Variants in ANKRD44 observed in about 807,000 individuals in gnomAD.
The protein encoded by ANKRD44 is ankyrin repeat domain 44.
ANKRD44 carries 35 observed loss-of-function variants against 116.0 expected under a neutral mutation model. That is an observed-to-expected ratio of 0.30 (90% CI 0.23 to 0.40). The LOEUF (loss-of-function observed/expected upper bound fraction) is 0.40. Among genes scored for constraint, ANKRD44 ranks in the 10% least tolerant of loss-of-function variants. ANKRD44 has a pLI of 1.00. For synonymous variants in ANKRD44, 435 were observed against 461.8 expected (o/e 0.94, Z 0.74); for missense variants, 1,014 against 1,242.6 (o/e 0.82, Z 2.77).
intron 3 of ANKRD44, among the ~76,000 whole-genome samples, chr2:197,146,759 T>C (rs893353190): frequency 3.3e-5 from 5 of 152,120 alleles, no homozygotes; most frequent in African/African-American, 1.2e-4. Context: ...TATATCCAAA[T>C]GTACTGAATT....
intron 21 of ANKRD44, among the ~76,000 whole-genome samples, chr2:196,978,895 GT>G (rs201679539): frequency 2.2e-5 from 3 of 138,758 alleles, no homozygotes; most frequent in African/African-American, 5.5e-5. Flanking sequence ...ATCCGATATT[GT>G]TTTAAAAAAA....
intron 21 of ANKRD44, among the ~76,000 whole-genome samples, chr2:196,973,933 A>C (rs1428317004): frequency 1.3e-5 from 2 of 152,160 alleles, no homozygotes; most frequent in African/African-American, 4.8e-5. Context: ...GCCCTTTCTT[A>C]AGTTGACATT....
intron 7 of ANKRD44, 82 bp downstream of exon 7, chr2:197,122,568 A>C: frequency 6.7e-7 from 1 of 1,503,292 alleles, no homozygotes; most frequent in Non-Finnish European, 8.9e-7. Flanking sequence ...CTTGAATTAA[A>C]GTGCAAACAG....
intron 17 of ANKRD44, among the ~76,000 whole-genome samples, chr2:197,018,108 C>A (rs866611214): frequency 3.3e-5 from 5 of 152,336 alleles, no homozygotes; most frequent in African/African-American, 1.2e-4. Flanking sequence ...CATCACCAAC[C>A]TGTTTTGCCA....
intron 20 of ANKRD44, among the ~76,000 whole-genome samples, chr2:197,006,887 T>C (rs1272480716): frequency 6.6e-6 from 1 of 152,170 alleles, no homozygotes; most frequent in African/African-American, 2.4e-5. Flanking sequence ...GGAGGATCAC[T>C]TGAGCCCAGC....
At position 197,146,980 on chromosome 2, in the gene ANKRD44, T is replaced by C. The variant is rs185552758; in HGVS notation, c.190+47A>G. 4.2e-5 allele frequency: 66 copies of C among 1,564,124 alleles called. 1 individual carries two copies. The East Asian group carries it at 6.1e-4, about 15-fold the overall frequency. On this transcript the variant is annotated intron_variant, in intron 3 of 27. Transcript: ENST00000282272. ...AGTAGTCAATCTAGTAAATTGGTTATTTAAATTTTTATTTGCAATTGACTT... is the reference window on the plus strand; with the variant it reads ...AGTAGTCAATCTAGTAAATTGGTTACTTAAATTTTTATTTGCAATTGACTT...
intron 3 of ANKRD44, among the ~76,000 whole-genome samples, chr2:197,143,543 T>A (rs1283944432): frequency 6.6e-6 from 1 of 152,110 alleles, no homozygotes; most frequent in Admixed American, 6.5e-5. Flanking sequence ...TCATTTTTTA[T>A]GGCTGCATAG....
At chr2:197,063,611 A>C (rs979741472) in intron 16 of ANKRD44, among the ~76,000 whole-genome samples, 19 of 152,202 alleles carry the variant, frequency 1.2e-4, no homozygotes, top group Non-Finnish European at 2.2e-4. Context: ...TCTTTAAATG[A>C]CCTGATGGAG....
At chr2:197,232,904 T>A (rs2081898716) in intron 1 of ANKRD44, among the ~76,000 whole-genome samples, 1 of 152,230 alleles carries the variant, frequency 6.6e-6, no homozygotes, top group Admixed American at 6.5e-5. Context: ...CAACCTCATA[T>A]TTGTAAAATA....
At chr2:197,131,074 G>A (rs2079083508) in intron 4 of ANKRD44, among the ~76,000 whole-genome samples, 1 of 152,158 alleles carries the variant, frequency 6.6e-6, no homozygotes, top group East Asian at 1.9e-4. Flanking sequence ...CTAACTTTCT[G>A]AGATTACATT....
intron 8 of ANKRD44, among the ~76,000 whole-genome samples, chr2:197,117,607 T>G (rs1354702872): frequency 6.6e-6 from 1 of 152,062 alleles, no homozygotes; most frequent in African/African-American, 2.4e-5. Context: ...TGACCTCAGG[T>G]GATCCACCCA....
intron 1 of ANKRD44, among the ~76,000 whole-genome samples, chr2:197,302,865 G>C (rs1365591222): frequency 6.6e-6 from 1 of 152,178 alleles, no homozygotes; most frequent in Non-Finnish European, 1.5e-5. Context: ...ATGTTATTTG[G>C]GTTCAATAAA....
At chr2:197,238,868 C>A (rs1654472991) in intron 1 of ANKRD44, among the ~76,000 whole-genome samples, 1 of 152,116 alleles carries the variant, frequency 6.6e-6, no homozygotes, top group Non-Finnish European at 1.5e-5. Flanking sequence ...CCACGCCTGG[C>A]AAATTTTTGT....
Position 197,216,353 on chromosome 2 carries a change from C to T in ANKRD44, c.28-29247G>A, listed in dbSNP as rs1029925881. Among the ~76,000 whole-genome samples the T allele has an allele frequency of 5.9e-5, 9 of 152,286 alleles. No homozygotes were observed. In the East Asian group the frequency reaches 9.6e-4, roughly 16 times the overall value. On this transcript the variant is annotated intron_variant, in intron 1 of 27. Coordinates refer to ENST00000282272, the MANE Select transcript of ANKRD44 (RefSeq NM_001195144.2). ...ATAATTCATGCTATCCAGTAATCCA[C>T]AAATTTCTTTGGAGTTTCTTCTGTG... is the stretch of plus-strand genomic sequence containing the variant.
chr2:196,987,592 T>C lies in ANKRD44; in HGVS notation c.*1999A>G, dbSNP rs570267000. The C allele has an allele frequency of 1.0e-6, 1 of 985,400 alleles. No individual in the cohort carries two copies. Among genetic ancestry groups the C allele is most frequent in the Admixed American group, 6.1e-5 (1 of 16,282 alleles). 61.0% of individuals were successfully genotyped at this position (985,400 alleles called of 1,614,324 possible). A position where few individuals can be genotyped will look rare whatever the true frequency, so the allele number is the denominator to read the frequency against. On this transcript the variant is annotated 3_prime_UTR_variant, in exon 28 of 28. Transcript: ENST00000282272. ...AAATGATAAACCAAGCAGTGTTTAC[T>C]GCCTAAAGTACCAAAACATACTATG...
chr2:197,131,052 G>A (rs980471467), intron 4 of ANKRD44, among the ~76,000 whole-genome samples: 1 of 152,208 alleles, frequency 6.6e-6, no homozygotes, highest in Non-Finnish European at 1.5e-5. Flanking sequence ...CATCAACTTC[G>A]TTGGCTCCCT....
intron 1 of ANKRD44, chr2:197,263,377 G>T: frequency 1.6e-6 from 1 of 623,022 alleles, no homozygotes; most frequent in Non-Finnish European, 2.9e-6. Context: ...CTCTGGGGCT[G>T]GGATTGCGAC....
intron 10 of ANKRD44, 132 bp downstream of exon 10, chr2:197,099,684 A>G (rs1346359145): frequency 1.5e-6 from 2 of 1,320,562 alleles, no homozygotes; most frequent in African/African-American, 3.0e-5. Context: ...TTAAAATTTA[A>G]TTTGTATTTA....
intron 9 of ANKRD44, among the ~76,000 whole-genome samples, chr2:197,104,067 CA>C (rs1213644264): frequency 6.6e-6 from 1 of 152,176 alleles, no homozygotes; most frequent in Non-Finnish European, 1.5e-5. Flanking sequence ...AAGAAAAACA[CA>C]GGAATGAACA....
Sources: allele counts gnomAD v4.1 joint callset (sites outside exome capture counted in the v4.1 genomes callset), GRCh38; gene constraint gnomAD v4.1.1; transcripts MANE v1.5; gene names NCBI Gene and HGNC (gene_info 2026-07-23, HGNC 2026-07-21).